ARHGAP24: variants seen among roughly 807,000 people sequenced by gnomAD.
ARHGAP24 encodes the protein Rho GTPase activating protein 24.
A neutral mutation model predicts 76.4 loss-of-function variants in ARHGAP24; 50 were observed. The ratio of observed to expected loss-of-function variants is 0.65; its 90% CI spans 0.52 to 0.83. The LOEUF (loss-of-function observed/expected upper bound fraction) is 0.83, where lower values mean the gene tolerates loss of function less well. ARHGAP24 is among the 40% of genes least tolerant of loss of function. The pLI is 0.00. For synonymous variants in ARHGAP24, 345 were observed against 323.3 expected, an observed-to-expected ratio of 1.07 and a Z score of -0.72; for missense variants, 930 against 914.2, an observed-to-expected ratio of 1.02 and a Z score of -0.22.
chr4:85,950,232 C>T (rs1395354632), intron 5 of ARHGAP24, among the ~76,000 whole-genome samples: 1 of 152,106 alleles, frequency 6.6e-6, no homozygotes, highest in Admixed American at 6.6e-5. Flanking sequence ...GTGGCTTATG[C>T]CTGTAATCCC....
chr4:85,888,628 A>G (rs958183451), intron 3 of ARHGAP24, among the ~76,000 whole-genome samples: 1 of 151,896 alleles, frequency 6.6e-6, no homozygotes, highest in African/African-American at 2.4e-5. Flanking sequence ...TTTAAAAAAA[A>G]CTTTAGTTTT....
intron 3 of ARHGAP24, among the ~76,000 whole-genome samples, chr4:85,733,564 G>A (rs1309162245): frequency 4.6e-5 from 7 of 152,068 alleles, no homozygotes; most frequent in Non-Finnish European, 1.0e-4. Context: ...TGGCTTTCTA[G>A]GGCTTCCATA....
intron 1 of ARHGAP24, among the ~76,000 whole-genome samples, chr4:85,523,857 A>G (rs1226586747): frequency 2.6e-5 from 4 of 152,138 alleles, no homozygotes. Flanking sequence ...TATTAAAAGA[A>G]TGGATTCTAT....
At chr4:85,993,448 A>G (rs1740455675) in intron 8 of ARHGAP24, among the ~76,000 whole-genome samples, 1 of 152,180 alleles carries the variant, frequency 6.6e-6, no homozygotes, top group Non-Finnish European at 1.5e-5. Flanking sequence ...TTGAATCATC[A>G]CAAGAAAAGT....
intron 1 of ARHGAP24, among the ~76,000 whole-genome samples, chr4:85,504,872 C>T (rs1469556020): frequency 1.3e-5 from 2 of 152,110 alleles, no homozygotes; most frequent in Non-Finnish European, 2.9e-5. Flanking sequence ...TGTTCCTTTC[C>T]ATGTTTAGTG....
chr4:85,792,168 T>A (rs1006108531), intron 3 of ARHGAP24, among the ~76,000 whole-genome samples: 1 of 152,250 alleles, frequency 6.6e-6, no homozygotes, highest in African/African-American at 2.4e-5. Context: ...CTTGAAGCAA[T>A]TTAGTAATCA....
At chr4:85,935,506 G>C (rs1027556364) in intron 4 of ARHGAP24, among the ~76,000 whole-genome samples, 11 of 152,196 alleles carry the variant, frequency 7.2e-5, no homozygotes, top group African/African-American at 2.7e-4. Flanking sequence ...GTGATACTAA[G>C]ACAATAGTGA....
At chr4:85,924,640 T>C (rs924233248) in intron 4 of ARHGAP24, 1 of 138,010 alleles carries the variant, frequency 7.2e-6, no homozygotes, top group African/African-American at 2.8e-5. Flanking sequence ...TGAATTGAGA[T>C]AGTGATTTTT....
At chr4:85,502,943 G>C (rs1387476511) in intron 1 of ARHGAP24, among the ~76,000 whole-genome samples, 1 of 152,166 alleles carries the variant, frequency 6.6e-6, no homozygotes, top group Non-Finnish European at 1.5e-5. Context: ...ATTGAATTTT[G>C]TTGAAGGCCT....
chr4:85,903,066 A>C (rs1734589698), intron 3 of ARHGAP24, among the ~76,000 whole-genome samples: 1 of 152,226 alleles, frequency 6.6e-6, no homozygotes, highest in Non-Finnish European at 1.5e-5. Flanking sequence ...TATTTTAAGA[A>C]TAACCAACTG....
chr4:85,911,370 A>G (rs1447880448), intron 3 of ARHGAP24, among the ~76,000 whole-genome samples: 2 of 152,204 alleles, frequency 1.3e-5, no homozygotes, highest in Non-Finnish European at 2.9e-5. Context: ...GGCCACTGCC[A>G]TCAATAATAC....
intron 1 of ARHGAP24, among the ~76,000 whole-genome samples, chr4:85,523,813 G>A (rs1053566406): frequency 1.6e-4 from 24 of 149,070 alleles, no homozygotes; most frequent in Admixed American, 1.6e-3. Flanking sequence ...ACCTTGTGGA[G>A]GAAGGTTCCT....
chr4:85,624,087 C>T (rs1437951179), intron 2 of ARHGAP24, among the ~76,000 whole-genome samples: 1 of 152,104 alleles, frequency 6.6e-6, no homozygotes, highest in Non-Finnish European at 1.5e-5. Flanking sequence ...TTTCCTTCTC[C>T]TGAGTGATTG....
chr4:85,510,314 GA>G, intron 1 of ARHGAP24, among the ~76,000 whole-genome samples: 1 of 152,208 alleles, frequency 6.6e-6, no homozygotes, highest in South Asian at 2.1e-4. Context: ...CTAAGACCCT[GA>G]GGAAAATATT....
chr4:85,738,729 G>A (rs560365039), intron 3 of ARHGAP24, among the ~76,000 whole-genome samples: 2 of 152,254 alleles, frequency 1.3e-5, no homozygotes, highest in African/African-American at 4.8e-5. Flanking sequence ...AATTTTTTGT[G>A]TATGGTATAA....
intron 1 of ARHGAP24, among the ~76,000 whole-genome samples, chr4:85,568,338 TG>T (rs1726931615): frequency 2.6e-5 from 4 of 151,756 alleles, no homozygotes; most frequent in Admixed American, 2.0e-4. Flanking sequence ...GTGTGTGTGG[TG>T]GAATGTTTGT....
rs144657537 is a variant in ARHGAP24 at position 85,855,333 on chromosome 4, C to G, written c.269-68315C>G. On this transcript the variant is annotated intron_variant, in intron 3 of 9. Coordinates refer to ENST00000395184, the MANE Select transcript of ARHGAP24 (RefSeq NM_001025616.3). ...GTTGGAACTAAACAAAAGTGGGGTA[C>G]ATAGGAAAAAGTGGAGAGTGAAAGT... 3.0e-3 allele frequency among the ~76,000 whole-genome samples: 464 copies of G among 152,182 alleles called. 5 individuals carry two copies. Among genetic ancestry groups the G allele is most frequent in the Middle Eastern group, 6.8e-3 (2 of 294 alleles).
intron 3 of ARHGAP24, among the ~76,000 whole-genome samples, chr4:85,769,383 GA>G (rs1160830316): frequency 6.6e-6 from 1 of 152,112 alleles, no homozygotes; most frequent in Non-Finnish European, 1.5e-5. Flanking sequence ...TAAGGATGGA[GA>G]TTTTTTTTGT....
chr4:85,489,475 T>C (rs895326176), intron 1 of ARHGAP24, among the ~76,000 whole-genome samples: 2 of 152,160 alleles, frequency 1.3e-5, no homozygotes, highest in African/African-American at 4.8e-5. Context: ...ACTTGATGAC[T>C]CAGAGGGACT....
Sources: allele counts gnomAD v4.1 joint callset (sites outside exome capture counted in the v4.1 genomes callset), GRCh38; gene constraint gnomAD v4.1.1; transcripts MANE v1.5; gene names NCBI Gene and HGNC (gene_info 2026-07-23, HGNC 2026-07-21).